The following USP22 variants were observed in gnomAD, a reference collection of about 807,000 sequenced individuals.
The protein encoded by USP22 is ubiquitin carboxyl-terminal hydrolase 22.
USP22 carries 22 observed loss-of-function variants against 68.1 expected under a neutral mutation model. The observed-to-expected ratio is 0.32, with a 90% CI of 0.23 to 0.46. The LOEUF (loss-of-function observed/expected upper bound fraction) is 0.46, where lower values mean the gene tolerates loss of function less well. Ranked by LOEUF, USP22 falls within the 20% of genes least tolerant of loss-of-function variation. The pLI, the probability that USP22 is intolerant of heterozygous loss-of-function variation, is 1.00. For missense variants in USP22, 433 were observed against 695.8 expected, an observed-to-expected ratio of 0.62 and a Z score of 4.25; for synonymous variants, 279 against 274.2, an observed-to-expected ratio of 1.02 and a Z score of -0.17.
chr17:21,004,170 G>GT, intron 12 of USP22, 32 bp downstream of exon 12: 2 of 1,609,300 alleles, frequency 1.2e-6, no homozygotes, highest in Non-Finnish European at 1.7e-6. Flanking sequence ...CGTAGCCACC[G>GT]TAGGGCCTTC....
In USP22 at chr17:20,999,808, G is replaced by C. The variant is rs1398975853; in HGVS notation, c.*3223C>G. 6.6e-6 allele frequency: 1 copy of C among 152,176 alleles called. No homozygotes were observed. The highest frequency in any genetic ancestry group is 1.5e-5 in the Non-Finnish European group (1 of 68,048). 9.4% of individuals were successfully genotyped at this position (152,176 alleles called of 1,614,324 possible). ...AAAACAATCACTTAAATTGTCAAAAGAACAGCAATTTTACACAATGAAGAG... is the reference window on the plus strand; with the variant it reads ...AAAACAATCACTTAAATTGTCAAAACAACAGCAATTTTACACAATGAAGAG... On this transcript the variant is annotated 3_prime_UTR_variant, in exon 13 of 13. Coordinates refer to ENST00000261497, the MANE Select transcript of USP22 (RefSeq NM_015276.2).
intron 1 of USP22, among the ~76,000 whole-genome samples, chr17:21,035,278 C>A (rs992550862): frequency 4.6e-5 from 7 of 152,198 alleles, no homozygotes; most frequent in Non-Finnish European, 8.8e-5. Context: ...AACTCACACT[C>A]AATTCTATCT....
intron 1 of USP22, among the ~76,000 whole-genome samples, chr17:21,030,575 G>A (rs1255831324): frequency 1.3e-5 from 2 of 152,232 alleles, no homozygotes; most frequent in East Asian, 1.9e-4. Context: ...GAGCAGGCAA[G>A]TGCAGAGAAC....
At chr17:21,017,876 AT>A (rs951731192) in intron 5 of USP22, 65 bp downstream of exon 5, 889 of 1,448,384 alleles carry the variant, frequency 6.1e-4, no homozygotes, top group Admixed American at 1.7e-3. Context: ...TCCACCTTAA[AT>A]TTTTTTTTTG....
intron 7 of USP22, 94 bp downstream of exon 7, chr17:21,012,736 G>A: frequency 8.7e-7 from 1 of 1,153,318 alleles, no homozygotes; most frequent in Non-Finnish European, 1.3e-6. Flanking sequence ...CCTCCTTAAA[G>A]ACCTCTCAGA....
At position 21,018,095 on chromosome 17, in the gene USP22, G is replaced by A; in HGVS notation, c.537C>T (p.Ile179=). The A allele has an allele frequency of 6.2e-7, 1 of 1,605,574 alleles. No individual in the cohort carries two copies. The highest frequency in any genetic ancestry group is 8.5e-7 in the Non-Finnish European group (1 of 1,175,434). Reference sequence around the variant, plus strand: ...TCATGAAGCATGTGTTCCCAAGGTTGATCAGCCCACGCAGACCTGGACACA... The same window carrying A: ...TCATGAAGCATGTGTTCCCAAGGTTAATCAGCCCACGCAGACCTGGACACA... ...SNCTIGLRGL[I]NLGNTCFMNC... Residue 179 remains isoleucine, a synonymous_variant, in exon 5 of 13, where the codon ATC becomes ATT. Transcript: ENST00000261497.
chr17:21,043,021 G>T (rs1972463949), upstream of USP22: 1 of 294,424 alleles, frequency 3.4e-6, no homozygotes, highest in African/African-American at 2.2e-5. Flanking sequence ...GGCAGGCACC[G>T]CCCCCGAGCT....
rs574629709 is a variant in USP22, at chr17:21,036,527, G to C, written c.171+6138C>G. Among the ~76,000 whole-genome samples the C allele has an allele frequency of 5.0e-5, 7 of 140,640 alleles. 1 individual carries two copies. In the South Asian group the frequency reaches 1.8e-3, roughly 37 times the overall value. 92.3% of individuals were successfully genotyped at this position (140,640 alleles called of 152,430 possible). ...ACTGAGCACTGTACTGTAAGGGGGG[G>C]GGGGGTCAAGTCATTTCCCAAGGGA... On this transcript the variant is annotated intron_variant, in intron 1 of 12. Transcript: ENST00000261497.
At chr17:21,010,083 G>A (rs1010083431) in intron 8 of USP22, among the ~76,000 whole-genome samples, 3 of 152,176 alleles carry the variant, frequency 2.0e-5, no homozygotes, top group African/African-American at 7.2e-5. Context: ...CACTGAGGCT[G>A]AGCCCAGGAG....
At chr17:21,033,578 AGT>A (rs1972318256) in intron 1 of USP22, among the ~76,000 whole-genome samples, 1 of 152,110 alleles carries the variant, frequency 6.6e-6, no homozygotes, top group African/African-American at 2.4e-5. Flanking sequence ...AGCTTTTAAA[AGT>A]GTGCAAACAT....
intron 2 of USP22, among the ~76,000 whole-genome samples, chr17:21,024,852 C>A (rs1972201216): frequency 6.6e-6 from 1 of 152,124 alleles, no homozygotes; most frequent in African/African-American, 2.4e-5. Flanking sequence ...CCTGTGGTCC[C>A]AGCCACTCAG....
chr17:21,008,531 T>TC (rs1555589642), intron 8 of USP22, among the ~76,000 whole-genome samples: 1 of 152,200 alleles, frequency 6.6e-6, no homozygotes, highest in African/African-American at 2.4e-5. Flanking sequence ...TTCCGTTATA[T>TC]CATTCAGTTG....
chr17:21,035,856 C>T (rs7221483), intron 1 of USP22, among the ~76,000 whole-genome samples: 112,946 of 151,438 alleles, frequency 0.75, 42,585 homozygotes, highest in South Asian at 0.82. Context: ...CAGTGAAACC[C>T]AGTCTCTACT....
intron 6 of USP22, among the ~76,000 whole-genome samples, chr17:21,015,048 T>C (rs147523670): frequency 3.8e-4 from 58 of 152,320 alleles, no homozygotes; most frequent in Middle Eastern, 3.4e-3. Context: ...CCTGTATGGA[T>C]AGACTTCAGC....
At chr17:21,042,339 A>C in intron 1 of USP22, 2 of 113,232 alleles carry the variant, frequency 1.8e-5, no homozygotes, top group Non-Finnish European at 3.3e-5. Flanking sequence ...AGGATAAGGG[A>C]GGGGGAGGGC....
rs772381964 is a variant in USP22, at chr17:21,004,221, C to T, written c.1516G>A (p.Asp506Asn). The T allele has an allele frequency of 1.7e-5, 27 of 1,614,046 alleles. No homozygotes were observed. Among genetic ancestry groups the T allele is most frequent in the Admixed American group, 1.0e-4 (6 of 60,002 alleles). The part of the protein sequence containing the change: ...DAIITKASIK[D>N]VLDSEGYLLF... Reference sequence around the variant, plus strand: ...ACGCACCCTTCGCTGTCCAGGACGTCCTTGATGCTGGCCTTGGTGATGATG... The same window carrying T: ...ACGCACCCTTCGCTGTCCAGGACGTTCTTGATGCTGGCCTTGGTGATGATG... The change falls in exon 12 of 13, where the codon GAC becomes AAC. Residue 506 changes from aspartate to asparagine, a missense_variant. By Grantham distance (23) the Asp-to-Asn change is conservative. Coordinates refer to ENST00000261497, the MANE Select transcript of USP22 (RefSeq NM_015276.2).
chr17:21,007,781 G>C lies in USP22; in HGVS notation c.1230+89C>G, dbSNP rs928794275. ...CCTGCTTGCTGCAATTATAAAAAAT[G>C]TAACTGCACAGCAAACCAAAAGGCT... On this transcript the variant is annotated intron_variant, in intron 9 of 12. Coordinates refer to ENST00000261497, the MANE Select transcript of USP22 (RefSeq NM_015276.2). 7 of 1,502,298 alleles carry C rather than the reference G, an allele frequency of 4.7e-6. No homozygotes were observed. In the South Asian group the frequency reaches 7.1e-5, roughly 15 times the overall value. 93.1% of individuals were successfully genotyped at this position (1,502,298 alleles called of 1,614,324 possible). A position where few individuals can be genotyped will look rare whatever the true frequency, so the allele number is the denominator to read the frequency against.
At chr17:21,037,760 A>T (rs539560534) in intron 1 of USP22, among the ~76,000 whole-genome samples, 1 of 152,350 alleles carries the variant, frequency 6.6e-6, no homozygotes, top group South Asian at 2.1e-4. Flanking sequence ...TAATGAACTA[A>T]ATACACAAAC....
Position 21,011,319 on chromosome 17 carries a change from G to A in USP22, c.945-10C>T. ...GGTGGTGGAGACTCCACTGGAAGCA[G>A]AGGGAAAACAATGGCTGTGAGGACT... On this transcript the variant is annotated splice_polypyrimidine_tract_variant and intron_variant, in intron 7 of 12. Coordinates refer to ENST00000261497, the MANE Select transcript of USP22 (RefSeq NM_015276.2). The A allele has an allele frequency of 6.4e-7, 1 of 1,553,194 alleles. No individual in the cohort carries two copies. The highest frequency in any genetic ancestry group is 8.7e-7 in the Non-Finnish European group (1 of 1,147,794).
Sources: allele counts gnomAD v4.1 joint callset (sites outside exome capture counted in the v4.1 genomes callset), GRCh38; gene constraint gnomAD v4.1.1; transcripts MANE v1.5; gene names NCBI Gene and HGNC (gene_info 2026-07-23, HGNC 2026-07-21).